ARHGAP45: variants seen among roughly 807,000 people sequenced by gnomAD.
ARHGAP45 encodes the protein Rho GTPase activating protein 45, also known as rho GTPase-activating protein 45.
A neutral mutation model predicts 116.1 loss-of-function variants in ARHGAP45; 56 were observed. The observed-to-expected ratio is 0.48, with a 90% CI of 0.39 to 0.60. The LOEUF is 0.60. Among genes scored for constraint, ARHGAP45 ranks in the 20% least tolerant of loss-of-function variants. ARHGAP45 has a pLI of 0.00. For synonymous variants in ARHGAP45, 866 were observed against 701.7 expected (o/e 1.23, Z -3.70); for missense variants, 1,622 against 1,601.0 (o/e 1.01, Z -0.22).
At chr19:1,074,056 G>A in intron 6 of ARHGAP45, 42 bp downstream of exon 6, 1 of 1,603,684 alleles carries the variant, frequency 6.2e-7, no homozygotes, top group South Asian at 1.1e-5. Flanking sequence ...TGAGGGGTGG[G>A]CCATTGCGCG....
intron 8 of ARHGAP45, 61 bp from the exon 9 acceptor site, chr19:1,074,553 G>T: frequency 6.9e-7 from 1 of 1,447,962 alleles, no homozygotes; most frequent in Admixed American, 2.2e-5. Context: ...GGTGGCTGGG[G>T]GTGCTGGGGC....
In ARHGAP45 at chr19:1,068,454, G is replaced by C; in HGVS notation, c.131G>C (p.Gly44Ala). 1 of 1,581,758 alleles carries C rather than the reference G, an allele frequency of 6.3e-7. No individual in the cohort carries two copies. The highest frequency in any genetic ancestry group is 8.6e-7 in the Non-Finnish European group (1 of 1,164,350). ...RKDGADAVFP[G>A]PSLEPPAGSS... ...GATGGGGCTGACGCGGTGTTCCCCG[G>C]ACCAAGCCTGGAGCCGCCCGCTGGG... The change falls in exon 2 of 23, where the codon GGA becomes GCA. Residue 44 changes from glycine to alanine, a missense_variant. Gly to Ala is a moderately conservative substitution (Grantham distance 60). This residue lies in a region of ARHGAP45 where 279 missense variants were observed against 311.9 expected (regional missense o/e 0.89). Transcript: ENST00000313093. This position sits in a 1 kb window ranked among gnomAD's most constrained non-coding sequence, Gnocchi z 7.5.
chr19:1,082,138 G>C (rs1458814026), intron 19 of ARHGAP45, among the ~76,000 whole-genome samples, 177 bp downstream of exon 19: 1 of 151,562 alleles, frequency 6.6e-6, no homozygotes, highest in Non-Finnish European at 1.5e-5. Flanking sequence ...GGCTGAGGCT[G>C]GGGGCGTGGT....
rs1450576369 is a variant in ARHGAP45 at position 1,086,294 on chromosome 19, G to C, written c.*288G>C. Reference sequence around the variant, plus strand: ...ACAGTGGCCTTGTTGGTGCCCACAGGGCTGTGTGGATGGAGGAAGCTGTCC... The same window carrying C: ...ACAGTGGCCTTGTTGGTGCCCACAGCGCTGTGTGGATGGAGGAAGCTGTCC... On this transcript the variant is annotated 3_prime_UTR_variant, in exon 23 of 23. Transcript: ENST00000313093. The C allele has an allele frequency of 5.1e-6, 2 of 390,330 alleles. No individual in the cohort carries two copies. The highest frequency in any genetic ancestry group is 8.4e-5 in the Admixed American group (2 of 23,788). The allele number at this position is 390,330 out of a possible 1,614,324, so 24.2% of individuals were successfully genotyped here. A position where few individuals can be genotyped will look rare whatever the true frequency, so the allele number is the denominator to read the frequency against.
At chr19:1,082,521 A>C in intron 19 of ARHGAP45, 2 of 412,644 alleles carry the variant, frequency 4.8e-6, no homozygotes, top group Non-Finnish European at 8.7e-6. Context: ...CTGGGATGGG[A>C]GTGGGACCAG....
rs1008802805 is a variant in ARHGAP45, at chr19:1,086,552, T to C, written c.*546T>C. ...GGCCACCTGGGGCTCAGGTACACAGTGGGGTCTCTCGGAAGCCACCGTGTG... is the reference window on the plus strand; with the variant it reads ...GGCCACCTGGGGCTCAGGTACACAGCGGGGTCTCTCGGAAGCCACCGTGTG... On this transcript the variant is annotated 3_prime_UTR_variant, in exon 23 of 23. Coordinates refer to ENST00000313093, the MANE Select transcript of ARHGAP45 (RefSeq NM_012292.5). The C allele has an allele frequency of 3.3e-5, 5 of 152,488 alleles. No individual in the cohort carries two copies. The highest frequency in any genetic ancestry group is 2.6e-4 in the Admixed American group (4 of 15,270). The allele number at this position is 152,488 out of a possible 1,614,324, so 9.4% of individuals were successfully genotyped here. A position where few individuals can be genotyped will look rare whatever the true frequency, so the allele number is the denominator to read the frequency against.
At position 1,081,992 on chromosome 19, in the gene ARHGAP45, C is replaced by A. The variant is rs764618648; in HGVS notation, c.2517+31C>A. 1.4e-5 allele frequency: 23 copies of A among 1,600,580 alleles called. No individual in the cohort carries two copies. In the Middle Eastern group the frequency reaches 8.0e-4, roughly 56 times the overall value. Reference sequence around the variant, plus strand: ...ACCCACCGGTGGTGGCCAGGCAGAGCCTGGAAGGGGCGTAGCCAGGCAGGA... The same window carrying A: ...ACCCACCGGTGGTGGCCAGGCAGAGACTGGAAGGGGCGTAGCCAGGCAGGA... On this transcript the variant is annotated intron_variant, in intron 19 of 22. Coordinates refer to ENST00000313093, the MANE Select transcript of ARHGAP45 (RefSeq NM_012292.5).
intron 16 of ARHGAP45, 47 bp from the exon 17 acceptor site, chr19:1,080,845 T>C (rs2043412710): frequency 6.2e-7 from 1 of 1,607,838 alleles, no homozygotes; most frequent in Non-Finnish European, 8.5e-7. Context: ...TCCATGGGCC[T>C]GGCCCTGAGC....
upstream of ARHGAP45, chr19:1,066,078 G>C: frequency 6.5e-7 from 1 of 1,535,732 alleles, no homozygotes; most frequent in Non-Finnish European, 8.7e-7. Flanking sequence ...GTTTGCACTT[G>C]GACCTGGGCC....
chr19:1,082,019 G>A, intron 19 of ARHGAP45, 58 bp downstream of exon 19: 1 of 1,573,710 alleles, frequency 6.4e-7, no homozygotes, highest in Non-Finnish European at 8.6e-7. Context: ...CAGGCAGGAG[G>A]AGGCGGGGTG....
At chr19:1,074,452 G>T in intron 8 of ARHGAP45, 45 bp downstream of exon 8, 3 of 1,465,616 alleles carry the variant, frequency 2.0e-6, no homozygotes, top group Non-Finnish European at 2.7e-6. Flanking sequence ...GGGCCCGGGT[G>T]TGAGTCTCAG....
In ARHGAP45 at chr19:1,086,552, T is replaced by TG. The variant is rs2043663748; in HGVS notation, c.*550dup. 6.6e-6 allele frequency: 1 copy of TG among 152,488 alleles called. No homozygotes were observed. The highest frequency in any genetic ancestry group is 2.1e-4 in the South Asian group (1 of 4,872). 9.4% of individuals were successfully genotyped at this position (152,488 alleles called of 1,614,324 possible). A position where few individuals can be genotyped will look rare whatever the true frequency, so the allele number is the denominator to read the frequency against. ...GGCCACCTGGGGCTCAGGTACACAG[T>TG]GGGGTCTCTCGGAAGCCACCGTGTG... On this transcript the variant is annotated 3_prime_UTR_variant, in exon 23 of 23. Coordinates refer to ENST00000313093, the MANE Select transcript of ARHGAP45 (RefSeq NM_012292.5).
At chr19:1,082,005 T>C in intron 19 of ARHGAP45, 44 bp downstream of exon 19, 2 of 1,584,366 alleles carry the variant, frequency 1.3e-6, no homozygotes, top group East Asian at 4.5e-5. Context: ...GGAAGGGGCG[T>C]AGCCAGGCAG....
intron 11 of ARHGAP45, among the ~76,000 whole-genome samples, chr19:1,078,404 A>G (rs753579688): frequency 2.0e-5 from 3 of 150,396 alleles, no homozygotes; most frequent in Non-Finnish European, 4.4e-5. Flanking sequence ...CGGCCTCCCA[A>G]AGTGCTGGGA....
chr19:1,077,651 G>T, intron 10 of ARHGAP45: 1 of 1,433,278 alleles, frequency 7.0e-7, no homozygotes, highest in Non-Finnish European at 9.1e-7. Context: ...CTCCCAAAGT[G>T]CTGGGATTAC....
chr19:1,079,685 G>A lies in ARHGAP45; in HGVS notation c.1375-18G>A, dbSNP rs1294689919. On this transcript the variant is annotated intron_variant, in intron 11 of 22. Coordinates refer to ENST00000313093, the MANE Select transcript of ARHGAP45 (RefSeq NM_012292.5). ...CCCGGGCTGAGGCCTCTCTCTGTGC[G>A]CCCCGCCCCCACCGCAGGCGGAGGA... The A allele has an allele frequency of 2.5e-6, 4 of 1,611,656 alleles. No individual in the cohort carries two copies. The highest frequency in any genetic ancestry group is 2.7e-5 in the African/African-American group (2 of 74,874).
chr19:1,080,639 C>G, intron 15 of ARHGAP45, 43 bp from the exon 16 acceptor site: 1 of 1,607,372 alleles, frequency 6.2e-7, no homozygotes, highest in Non-Finnish European at 8.5e-7. Flanking sequence ...TGGAGGGGGC[C>G]CCCCTGGCTG....
chr19:1,080,338 A>T lies in ARHGAP45; in HGVS notation c.1787A>T (p.Glu596Val). 6.2e-7 allele frequency: 1 copy of T among 1,609,486 alleles called. No individual in the cohort carries two copies. Among genetic ancestry groups the T allele is most frequent in the Non-Finnish European group, 8.5e-7 (1 of 1,179,204 alleles). Residue 596 changes from glutamate (E) to valine (V), a missense_variant, in exon 14 of 23, where the codon GAA (glutamate) becomes GTA (valine). Coordinates refer to ENST00000313093, the MANE Select transcript of ARHGAP45 (RefSeq NM_012292.5). ...GAGGCTGCCGGGAGCCCCCCAGAAGAAGGCGGGTGCACTGAGGGCACACCT... is the reference window on the plus strand; with the variant it reads ...GAGGCTGCCGGGAGCCCCCCAGAAGTAGGCGGGTGCACTGAGGGCACACCT... ...RPEAAGSPPE[E>V]GGCTEGTPAK...
At chr19:1,077,616 C>A (rs1599761214) in intron 10 of ARHGAP45, 13 of 1,378,146 alleles carry the variant, frequency 9.4e-6, no homozygotes, top group East Asian at 2.6e-5. Context: ...AAACTCCTGA[C>A]CTCAAGTGAT....
Sources: allele counts gnomAD v4.1 joint callset (sites outside exome capture counted in the v4.1 genomes callset), GRCh38; gene constraint gnomAD v4.1.1; regional missense constraint gnomAD v4.1.1; non-coding constraint Gnocchi (gnomAD v3.1); transcripts MANE v1.5; gene names NCBI Gene and HGNC (gene_info 2026-07-23, HGNC 2026-07-21).